MYH7B: variants seen among roughly 807,000 people sequenced by gnomAD.
The protein encoded by MYH7B is myosin-7B.
MYH7B carries 205 observed loss-of-function variants against 234.5 expected under a neutral mutation model. The ratio of observed to expected loss-of-function variants is 0.87; its 90% CI spans 0.78 to 0.98. The LOEUF (loss-of-function observed/expected upper bound fraction) is 0.98, where lower values mean the gene tolerates loss of function less well. MYH7B is among the 50% of genes least tolerant of loss of function. The pLI, the probability that MYH7B is intolerant of heterozygous loss-of-function variation, is 0.00. For missense variants in MYH7B, 2,652 were observed against 2,633.4 expected (o/e 1.01, Z -0.15); for synonymous variants, 1,193 against 1,105.0 (o/e 1.08, Z -1.58).
intron 24 of MYH7B, among the ~76,000 whole-genome samples, 184 bp downstream of exon 24, chr20:34,991,305 GA>G (rs1287814871): frequency 6.6e-6 from 1 of 152,228 alleles, no homozygotes; most frequent in Non-Finnish European, 1.5e-5. Flanking sequence ...GACTTGGGGA[GA>G]AGTGAATAGG....
chr20:35,000,276 C>A lies in MYH7B; in HGVS notation c.4782-17C>A, dbSNP rs779586394. 1.5e-5 allele frequency: 23 copies of A among 1,548,746 alleles called. No homozygotes were observed. Among genetic ancestry groups the A allele is most frequent in the South Asian group, 2.4e-5 (2 of 82,290 alleles). ...TGCCCTTACGAGACCCCCTTTCATG[C>A]CACCCTCCTCCCATAGGCGCAACCA... is the stretch of plus-strand genomic sequence containing the variant. On this transcript the variant is annotated splice_polypyrimidine_tract_variant and intron_variant, in intron 38 of 44. Transcript: ENST00000262873.
In MYH7B at chr20:34,999,279, C is replaced by T. The variant is rs762002233; in HGVS notation, c.4414C>T (p.Arg1472Trp). ...GCGGCGGCAGGAGGAGGAGATGCAGCGGGAGCTGGAGGCGGCACAGAGGGA... is the reference window on the plus strand; with the variant it reads ...GCGGCGGCAGGAGGAGGAGATGCAGTGGGAGCTGGAGGCGGCACAGAGGGA... Residue 1472 changes from arginine (R) to tryptophan (W), a missense_variant, in exon 36 of 45, where the codon CGG (arginine) becomes TGG (tryptophan). Around this residue, in one of 3 missense-constraint regions of MYH7B, gnomAD observed 2,279 missense variants for 2,211.4 expected, o/e 1.03. Coordinates refer to ENST00000262873, the Ensembl canonical transcript of MYH7B. The T allele has an allele frequency of 1.8e-5, 28 of 1,594,414 alleles. No individual in the cohort carries two copies. The highest frequency in any genetic ancestry group is 1.7e-4 in the Middle Eastern group (1 of 6,054).
rs1569062521 is a variant in MYH7B, at chr20:34,998,920, G to C, written c.4190+5G>C. 1 of 1,610,100 alleles carries C rather than the reference G, an allele frequency of 6.2e-7. No homozygotes were observed. The highest frequency in any genetic ancestry group is 2.2e-5 in the East Asian group (1 of 44,806). On this transcript the variant is annotated splice_donor_5th_base_variant and intron_variant, in intron 35 of 44. Coordinates refer to ENST00000262873, the Ensembl canonical transcript of MYH7B. ...CGAGGAGCTGGAGGAGGCCAAGTGA[G>C]TGCTTTGCTGGCCAGGCCACTGCCA...
rs1441808760 is a variant in MYH7B, at chr20:35,001,363, T to TCTCCCTGGGGAG, written c.5580+15_5580+26dup. On this transcript the variant is annotated intron_variant, in intron 42 of 44. Coordinates refer to ENST00000262873, the Ensembl canonical transcript of MYH7B. Reference sequence around the variant, plus strand: ...CTCGCATACCAGGTGGGCGACAGGGTCTCCCTGGGGAGTGGCCCTGGAGCT... The same window carrying TCTCCCTGGGGAG: ...CTCGCATACCAGGTGGGCGACAGGGTCTCCCTGGGGAGCTCCCTGGGGAGTGGCCCTGGAGCT... 2.5e-6 allele frequency: 4 copies of TCTCCCTGGGGAG among 1,602,198 alleles called. No homozygotes were observed. The South Asian group carries it at 4.5e-5, about 18-fold the overall frequency.
intron 41 of MYH7B, 22 bp downstream of exon 41, chr20:35,001,180 C>T (rs2082371131): frequency 6.2e-7 from 1 of 1,609,656 alleles, no homozygotes; most frequent in South Asian, 1.1e-5. Flanking sequence ...CCCTCTAGTC[C>T]TTGGCGCAGG....
intron 22 of MYH7B, 163 bp downstream of exon 22, chr20:34,990,473 C>A: frequency 1.1e-6 from 1 of 929,700 alleles, no homozygotes; most frequent in Non-Finnish European, 1.8e-6. Flanking sequence ...TGCTGCTTCC[C>A]GTCCCTACGC....
chr20:34,980,000 G>C, intron 7 of MYH7B, 196 bp downstream of exon 7: 3 of 588,820 alleles, frequency 5.1e-6, no homozygotes, highest in Non-Finnish European at 8.8e-6. Context: ...TGGGGGCGGG[G>C]CTGGAGGTTG....
At chr20:34,957,382 G>T (rs1309207716) in intron 1 of MYH7B, among the ~76,000 whole-genome samples, 1 of 152,142 alleles carries the variant, frequency 6.6e-6, no homozygotes, top group Non-Finnish European at 1.5e-5. Context: ...TGCAGCAGCT[G>T]TGGAGATGGA....
At chr20:34,971,759 A>G (rs2081795648) in intron 2 of MYH7B, among the ~76,000 whole-genome samples, 1 of 152,192 alleles carries the variant, frequency 6.6e-6, no homozygotes, top group Non-Finnish European at 1.5e-5. Flanking sequence ...ATCTGACCAC[A>G]CTGTCAAATT....
Position 34,984,676 on chromosome 20 carries a change from T to A in MYH7B, c.625-16T>A. On this transcript the variant is annotated splice_polypyrimidine_tract_variant and intron_variant, in intron 10 of 44. Transcript: ENST00000262873. ...GGAGGCCTGGCCCTCTAATGTTGTC[T>A]GTCTTCTTCCCCCAGCAATTTCTGG... is the stretch of plus-strand genomic sequence containing the variant. 6.2e-7 allele frequency: 1 copy of A among 1,600,594 alleles called. No individual in the cohort carries two copies. Among genetic ancestry groups the A allele is most frequent in the Non-Finnish European group, 8.5e-7 (1 of 1,175,588 alleles).
chr20:34,986,350 TC>T, intron 14 of MYH7B, 152 bp downstream of exon 14: 1 of 652,432 alleles, frequency 1.5e-6, no homozygotes, highest in South Asian at 1.9e-5. Context: ...TTGGTTACTT[TC>T]CTGCTAGGGA....
chr20:34,993,180 C>A, exon 25 of MYH7B: 2 of 1,614,046 alleles, frequency 1.2e-6, no homozygotes, highest in Non-Finnish European at 1.7e-6. Flanking sequence ...AACTGCTGGG[C>A]TCGCTGGACT....
intron 10 of MYH7B, among the ~76,000 whole-genome samples, chr20:34,984,213 C>T (rs2081982362): frequency 6.6e-6 from 1 of 152,228 alleles, no homozygotes; most frequent in African/African-American, 2.4e-5. Context: ...TGAAGACACA[C>T]CCAGTTGCAT....
chr20:34,957,840 C>T (rs1025482052), intron 1 of MYH7B, among the ~76,000 whole-genome samples: 1 of 152,190 alleles, frequency 6.6e-6, no homozygotes, highest in Non-Finnish European at 1.5e-5. Context: ...ACAGGACAGG[C>T]TGAGTCCTCC....
At position 34,985,035 on chromosome 20, in the gene MYH7B, C is replaced by T. The variant is rs375438394; in HGVS notation, c.742-31C>T. ...AGGTGGGGACAGTGCTGGCTGTGCC[C>T]CTTGGCTGAGGGCTGCCCCTCTGCC... is the stretch of plus-strand genomic sequence containing the variant. On this transcript the variant is annotated intron_variant, in intron 12 of 44. Coordinates refer to ENST00000262873, the Ensembl canonical transcript of MYH7B. The T allele has an allele frequency of 3.1e-6, 5 of 1,613,762 alleles. No individual in the cohort carries two copies. The African/African-American group carries it at 4.0e-5, about 13-fold the overall frequency.
chr20:34,961,080 T>C (rs1040918126), intron 2 of MYH7B, among the ~76,000 whole-genome samples: 2 of 152,152 alleles, frequency 1.3e-5, no homozygotes, highest in Non-Finnish European at 2.9e-5. Flanking sequence ...CTCAGAGACC[T>C]TCTACTAACA....
intron 22 of MYH7B, 22 bp downstream of exon 22, chr20:34,990,332 A>G: frequency 6.2e-7 from 1 of 1,613,786 alleles, no homozygotes; most frequent in East Asian, 2.2e-5. Context: ...TCTGGGAGAC[A>G]GACCCTCCCT....
chr20:34,994,543 TC>T, intron 27 of MYH7B, 142 bp downstream of exon 27: 1 of 1,081,718 alleles, frequency 9.2e-7, no homozygotes, highest in Non-Finnish European at 1.3e-6. Flanking sequence ...GGCCTCCATG[TC>T]CCAGCCTCAC....
At chr20:34,997,754 C>T (rs2082291794) in intron 32 of MYH7B, 114 bp downstream of exon 32, 1 of 1,270,908 alleles carries the variant, frequency 7.9e-7, no homozygotes, top group Non-Finnish European at 1.1e-6. Flanking sequence ...TGAGCCCTGA[C>T]CTCTTCACCT....
Sources: allele counts gnomAD v4.1 joint callset (sites outside exome capture counted in the v4.1 genomes callset), GRCh38; gene constraint gnomAD v4.1.1; regional missense constraint gnomAD v4.1.1; transcripts MANE v1.5; gene names NCBI Gene and HGNC (gene_info 2026-07-23, HGNC 2026-07-21).